NKAIN2: variants seen among roughly 807,000 people sequenced by gnomAD.
NKAIN2 encodes the protein sodium/potassium transporting ATPase interacting 2.
In NKAIN2, 14 loss-of-function variants were observed where a neutral mutation model predicts 32.6. That is an observed-to-expected ratio of 0.43 (90% CI 0.28 to 0.67). NKAIN2 has a LOEUF of 0.67. Ranked by LOEUF, NKAIN2 falls within the 30% of genes least tolerant of loss-of-function variation. The probability of loss-of-function intolerance (pLI) is 0.17; values close to 1 mark genes in which losing one functional copy is unlikely to be tolerated. For missense variants in NKAIN2, 198 were observed against 258.3 expected (o/e 0.77, Z 1.60); for synonymous variants, 80 against 87.2 (o/e 0.92, Z 0.46).
At chr6:124,055,795 A>T (rs1782616947) in intron 1 of NKAIN2, among the ~76,000 whole-genome samples, 1 of 152,042 alleles carries the variant, frequency 6.6e-6, no homozygotes, top group Non-Finnish European at 1.5e-5. Context: ...AATGTGCATT[A>T]TTTGTATGTA....
chr6:124,615,046 C>A (rs906865043), intron 3 of NKAIN2, among the ~76,000 whole-genome samples: 11 of 152,114 alleles, frequency 7.2e-5, no homozygotes, highest in Admixed American at 6.5e-4. Context: ...AATTCCATTT[C>A]ATTTATCTGT....
rs538130274 is a variant in NKAIN2, at chr6:124,223,153, C to G, written c.55-59852C>G. ...ATTTCGACCCGGGAGGTGGAGGTTG[C>G]AATGAGTGGAGATTGCGCCACTGTA... On this transcript the variant is annotated intron_variant, in intron 1 of 6. Transcript: ENST00000368417. Among the ~76,000 whole-genome samples, 3 of 126,050 alleles carry G rather than the reference C, an allele frequency of 2.4e-5. No individual in the cohort carries two copies. In the South Asian group the frequency reaches 7.8e-4, roughly 33 times the overall value. 82.7% of individuals were successfully genotyped at this position (126,050 alleles called of 152,430 possible). A position where few individuals can be genotyped will look rare whatever the true frequency, so the allele number is the denominator to read the frequency against.
At chr6:124,786,367 A>G (rs1294791988) in intron 4 of NKAIN2, among the ~76,000 whole-genome samples, 1 of 152,130 alleles carries the variant, frequency 6.6e-6, no homozygotes, top group Non-Finnish European at 1.5e-5. Flanking sequence ...CATTGCTCCA[A>G]CTTCCCAGAA....
intron 3 of NKAIN2, among the ~76,000 whole-genome samples, chr6:124,577,897 G>A (rs1326744529): frequency 6.6e-6 from 1 of 152,162 alleles, no homozygotes; most frequent in African/African-American, 2.4e-5. Context: ...GCACCAGGCA[G>A]AATCCTGAGG....
chr6:124,115,425 A>G (rs62435627), intron 1 of NKAIN2, among the ~76,000 whole-genome samples: 2,517 of 152,260 alleles, frequency 0.017, 35 homozygotes, highest in Non-Finnish European at 0.023. Context: ...GACTAGGATT[A>G]TGAGCGAAGT....
At chr6:123,986,237 T>TA (rs1779130059) in intron 1 of NKAIN2, among the ~76,000 whole-genome samples, 1 of 152,062 alleles carries the variant, frequency 6.6e-6, no homozygotes, top group Non-Finnish European at 1.5e-5. Context: ...AAGAGACAAA[T>TA]ACAGTGATTT....
At chr6:124,072,644 A>G (rs529005134) in intron 1 of NKAIN2, among the ~76,000 whole-genome samples, 1 of 152,144 alleles carries the variant, frequency 6.6e-6, no homozygotes, top group East Asian at 1.9e-4. Context: ...GCTCTCTACA[A>G]CATTTCTATT....
intron 3 of NKAIN2, among the ~76,000 whole-genome samples, chr6:124,648,087 T>G (rs1033735308): frequency 2.0e-5 from 3 of 152,284 alleles, no homozygotes; most frequent in African/African-American, 7.2e-5. Flanking sequence ...TCAAGACCAT[T>G]GCAATGGGAG....
intron 3 of NKAIN2, among the ~76,000 whole-genome samples, chr6:124,473,210 A>G (rs1777046976): frequency 6.6e-6 from 1 of 152,224 alleles, no homozygotes; most frequent in East Asian, 1.9e-4. Flanking sequence ...CAATCTTTCT[A>G]AAACACTTAC....
At chr6:123,868,242 T>C (rs1437994048) in intron 1 of NKAIN2, among the ~76,000 whole-genome samples, 1 of 152,184 alleles carries the variant, frequency 6.6e-6, no homozygotes, top group Non-Finnish European at 1.5e-5. Flanking sequence ...CATGGCTATG[T>C]CATATGCATG....
chr6:123,980,052 T>G lies in NKAIN2; in HGVS notation c.54+175798T>G, dbSNP rs557414039. Among the ~76,000 whole-genome samples, 7 of 152,324 alleles carry G rather than the reference T, an allele frequency of 4.6e-5. No individual in the cohort carries two copies. In the East Asian group the frequency reaches 7.7e-4, roughly 17 times the overall value. ...GTGAACATTTGCATATATAGAGAGC[T>G]CTTAATAAATTGGGAATATATTTGA... On this transcript the variant is annotated intron_variant, in intron 1 of 6. Transcript: ENST00000368417.
chr6:124,240,141 C>G (rs9491095), intron 1 of NKAIN2, among the ~76,000 whole-genome samples: 2,047 of 152,150 alleles, frequency 0.013, 46 homozygotes, highest in African/African-American at 0.047. Flanking sequence ...ACTAGAAAAT[C>G]TAGAAGAAAT....
chr6:124,393,568 G>A (rs1037873374), intron 3 of NKAIN2, among the ~76,000 whole-genome samples: 6 of 152,090 alleles, frequency 3.9e-5, no homozygotes, highest in African/African-American at 1.4e-4. Context: ...AATACTGAGT[G>A]ACGGTTAAAA....
At position 123,883,648 on chromosome 6, in the gene NKAIN2, A is replaced by T. The variant is rs1336545915; in HGVS notation, c.54+79394A>T. ...CCAATTAAACCTCTTTTTTAAAAAA[A>T]AATTTTTTTTAAAATTTTAAAAAAC... On this transcript the variant is annotated intron_variant, in intron 1 of 6. Transcript: ENST00000368417. 1.1e-3 allele frequency among the ~76,000 whole-genome samples: 119 copies of T among 111,888 alleles called. 1 individual carries two copies. Among genetic ancestry groups the T allele is most frequent in the African/African-American group, 2.7e-3 (90 of 33,010 alleles). 73.4% of individuals were successfully genotyped at this position (111,888 alleles called of 152,430 possible). A position where few individuals can be genotyped will look rare whatever the true frequency, so the allele number is the denominator to read the frequency against.
At chr6:124,098,490 G>C (rs1313783322) in intron 1 of NKAIN2, among the ~76,000 whole-genome samples, 1 of 152,124 alleles carries the variant, frequency 6.6e-6, no homozygotes, top group Non-Finnish European at 1.5e-5. Context: ...TTTCACAACT[G>C]CTTAGGAGGA....
chr6:124,553,642 T>C (rs115969228), intron 3 of NKAIN2, among the ~76,000 whole-genome samples: 2 of 152,160 alleles, frequency 1.3e-5, no homozygotes, highest in Non-Finnish European at 2.9e-5. Context: ...TCTCACTTGG[T>C]CTTCACAGAA....
intron 2 of NKAIN2, among the ~76,000 whole-genome samples, chr6:124,347,476 C>T (rs1253385622): frequency 2.0e-5 from 3 of 152,234 alleles, no homozygotes; most frequent in African/African-American, 7.2e-5. Flanking sequence ...GTACACCAAT[C>T]AGACACAGAT....
At chr6:124,445,380 A>T (rs1426956777) in intron 3 of NKAIN2, among the ~76,000 whole-genome samples, 7 of 152,082 alleles carry the variant, frequency 4.6e-5, no homozygotes. Flanking sequence ...TGAAATAAAA[A>T]CTTTAAACAT....
chr6:124,406,957 T>C (rs914280986), intron 3 of NKAIN2, among the ~76,000 whole-genome samples: 2 of 152,070 alleles, frequency 1.3e-5, no homozygotes, highest in Admixed American at 6.6e-5. Flanking sequence ...TATAATTTTA[T>C]GTATATTCGA....
Sources: gnomAD v4.1 joint callset for allele counts (sites outside exome capture counted in the v4.1 genomes callset) on GRCh38, gnomAD v4.1.1 for gene constraint, MANE v1.5 for transcripts, NCBI Gene and HGNC (gene_info 2026-07-23, HGNC 2026-07-21) for gene names.